Variants in SPATA3 observed in about 807,000 individuals in gnomAD.
The protein encoded by SPATA3 is spermatogenesis-associated protein 3.
In SPATA3, 6 loss-of-function variants were observed where a neutral mutation model predicts 5.7. That is an observed-to-expected ratio of 1.06 (90% CI 0.58 to 2.09). The LOEUF (loss-of-function observed/expected upper bound fraction) is 2.09, where lower values mean the gene tolerates loss of function less well. Among genes scored for constraint, SPATA3 ranks in the 30% most tolerant of loss-of-function variants. SPATA3 has a pLI of 0.00. For missense variants in SPATA3, 155 were observed against 130.4 expected, an observed-to-expected ratio of 1.19 and a Z score of -0.92; for synonymous variants, 44 against 48.4, an observed-to-expected ratio of 0.91 and a Z score of 0.37.
intron 1 of SPATA3, among the ~76,000 whole-genome samples, 194 bp downstream of exon 1, chr2:230,996,728 T>C (rs1225746634): frequency 2.0e-5 from 3 of 152,206 alleles, no homozygotes; most frequent in African/African-American, 7.2e-5. Context: ...TTTCTCATCA[T>C]CCTGAGTCTC....
chr2:231,013,166 G>A (rs958392421), intron 5 of SPATA3, among the ~76,000 whole-genome samples: 1 of 151,116 alleles, frequency 6.6e-6, no homozygotes, highest in Non-Finnish European at 1.5e-5. Flanking sequence ...ACTCACCACC[G>A]AGTCTCCCCA....
intron 6 of SPATA3, among the ~76,000 whole-genome samples, chr2:231,016,688 A>T (rs1239070751): frequency 6.6e-6 from 1 of 152,062 alleles, no homozygotes; most frequent in Non-Finnish European, 1.5e-5. Flanking sequence ...CTTATCTCAA[A>T]AGGAAAATAA....
At chr2:231,016,664 A>C (rs1692947663) in intron 6 of SPATA3, among the ~76,000 whole-genome samples, 1 of 149,644 alleles carries the variant, frequency 6.7e-6, no homozygotes, top group Non-Finnish European at 1.5e-5. Context: ...CAGCTTGGGC[A>C]ACAGATTGAG....
exon 2 of SPATA3, chr2:231,000,496 G>C: frequency 6.5e-7 from 1 of 1,548,424 alleles, no homozygotes; most frequent in Non-Finnish European, 8.7e-7. Context: ...ACTGGCAGAT[G>C]GCGCCAGGGA....
downstream of SPATA3, among the ~76,000 whole-genome samples, chr2:231,011,072 C>CAAAA (rs556496371): frequency 5.5e-4 from 44 of 79,838 alleles, 3 homozygotes; most frequent in Middle Eastern, 7.4e-3. Flanking sequence ...GACCCTGTCT[C>CAAAA]AAAAAAAAAA....
chr2:231,014,650 C>T (rs1692881811), intron 6 of SPATA3, among the ~76,000 whole-genome samples: 1 of 152,164 alleles, frequency 6.6e-6, no homozygotes. Flanking sequence ...CATCGTGGGG[C>T]TCCTCTGGTA....
intron 1 of SPATA3, chr2:230,996,148 G>A (rs1692107627): frequency 1.4e-6 from 2 of 1,415,430 alleles, no homozygotes; most frequent in South Asian, 2.8e-5. Context: ...AGGCTCCTAG[G>A]GCAGAGGGCA....
chr2:230,999,229 G>T (rs148793000), intron 1 of SPATA3, among the ~76,000 whole-genome samples: 118 of 152,232 alleles, frequency 7.8e-4, no homozygotes, highest in Middle Eastern at 6.8e-3. Context: ...AGGGACTGGG[G>T]GAAATGGGAG....
In SPATA3 at chr2:230,998,714, G is replaced by A. The variant is rs770962339; in HGVS notation, c.791-1652G>A. 2.4e-4 allele frequency among the ~76,000 whole-genome samples: 36 copies of A among 152,188 alleles called. 1 individual carries two copies. Among genetic ancestry groups the A allele is most frequent in the Admixed American group, 1.4e-3 (21 of 15,276 alleles). ...TCCACTAGGATGGGTATAATCAGAAGGATGGACAATAACAAGTGTTGGTGA... is the reference window on the plus strand; with the variant it reads ...TCCACTAGGATGGGTATAATCAGAAAGATGGACAATAACAAGTGTTGGTGA... On this transcript the variant is annotated intron_variant, in intron 1 of 2. Transcript: ENST00000645363.
chr2:230,998,614 A>C (rs1692224603), intron 1 of SPATA3, among the ~76,000 whole-genome samples: 1 of 152,268 alleles, frequency 6.6e-6, no homozygotes, highest in African/African-American at 2.4e-5. Flanking sequence ...AGGGCCTGCA[A>C]GTAAAGCGTG....
At chr2:231,005,989 C>G (rs1169638488), downstream of SPATA3, among the ~76,000 whole-genome samples, 1 of 126,546 alleles carries the variant, frequency 7.9e-6, no homozygotes, top group African/African-American at 3.1e-5. Flanking sequence ...CATACCAAGA[C>G]CTTGTCTCTA....
At chr2:231,008,300 C>T (rs982009643), downstream of SPATA3, among the ~76,000 whole-genome samples, 4 of 152,164 alleles carry the variant, frequency 2.6e-5, no homozygotes, top group Admixed American at 1.3e-4. Flanking sequence ...AGTGCAGATG[C>T]GAGGTTTAGG....
At chr2:231,010,660 A>C (rs965799182), downstream of SPATA3, among the ~76,000 whole-genome samples, 13 of 152,134 alleles carry the variant, frequency 8.5e-5, no homozygotes, top group Admixed American at 2.6e-4. Context: ...GGAGAAGATC[A>C]CAGAAAACTT....
At chr2:231,006,063 T>A (rs139473409), downstream of SPATA3, among the ~76,000 whole-genome samples, 119 of 151,120 alleles carry the variant, frequency 7.9e-4, 3 homozygotes, top group East Asian at 0.022. Flanking sequence ...GGCATGGTCG[T>A]ACACACCTGT....
chr2:231,011,072 C>CAA (rs556496371), downstream of SPATA3, among the ~76,000 whole-genome samples: 756 of 79,728 alleles, frequency 9.5e-3, 36 homozygotes, highest in African/African-American at 0.038. Flanking sequence ...GACCCTGTCT[C>CAA]AAAAAAAAAA....
At chr2:231,009,055 G>A (rs185505337), downstream of SPATA3, among the ~76,000 whole-genome samples, 9 of 152,342 alleles carry the variant, frequency 5.9e-5, no homozygotes, top group East Asian at 1.7e-3. Context: ...TGGCCAGGCT[G>A]GAGCTGCACA....
chr2:231,005,064 T>TCAC (rs1692502596), downstream of SPATA3, among the ~76,000 whole-genome samples: 4 of 101,868 alleles, frequency 3.9e-5, no homozygotes, highest in African/African-American at 1.6e-4. Flanking sequence ...ACCATCACCA[T>TCAC]CATCACCACC....
At chr2:231,011,831 C>T (rs972306243), downstream of SPATA3, among the ~76,000 whole-genome samples, 2 of 152,216 alleles carry the variant, frequency 1.3e-5, no homozygotes, top group African/African-American at 2.4e-5. Flanking sequence ...GACAGCACTT[C>T]AGGCTGCTAT....
downstream of SPATA3, among the ~76,000 whole-genome samples, chr2:231,005,265 CCATCATCACCATCACCAT>C (rs1692536739): frequency 2.1e-5 from 1 of 47,672 alleles, no homozygotes; most frequent in Admixed American, 2.3e-4. Flanking sequence ...ATCATCATTA[CCATCATCACCATCACCAT>C]CATCATCACC....
Sources: gnomAD v4.1 joint callset for allele counts (sites outside exome capture counted in the v4.1 genomes callset) on GRCh38, gnomAD v4.1.1 for gene constraint, MANE v1.5 for transcripts, NCBI Gene and HGNC (gene_info 2026-07-23, HGNC 2026-07-21) for gene names.